The following DOCK7 variants were observed in gnomAD, a reference collection of about 807,000 sequenced individuals.
The protein encoded by DOCK7 is dedicator of cytokinesis protein 7.
A neutral mutation model predicts 271.0 loss-of-function variants in DOCK7; 138 were observed. That is an observed-to-expected ratio of 0.51 (90% CI 0.44 to 0.59). The LOEUF is 0.59. Ranked by LOEUF, DOCK7 falls within the 20% of genes least tolerant of loss-of-function variation. DOCK7 has a pLI of 0.00. For missense variants in DOCK7, 2,066 were observed against 2,592.4 expected, an observed-to-expected ratio of 0.80 and a Z score of 4.41; for synonymous variants, 823 against 876.1, an observed-to-expected ratio of 0.94 and a Z score of 1.07.
At position 62,475,772 on chromosome 1, in the gene DOCK7, T is replaced by C; in HGVS notation, c.5896A>G (p.Ile1966Val). The C allele has an allele frequency of 1.9e-6, 3 of 1,614,076 alleles. No individual in the cohort carries two copies. The highest frequency in any genetic ancestry group is 2.5e-6 in the Non-Finnish European group (3 of 1,179,930). The change falls in exon 46 of 50, where the codon ATT becomes GTT. Residue 1966 changes from isoleucine to valine, a missense_variant. Ile to Val is a conservative substitution (Grantham distance 29). Around this residue, in one of 2 missense-constraint regions of DOCK7, gnomAD observed 652 missense variants for 922.1 expected, o/e 0.71. Transcript: ENST00000635253. ...ELHEQFKRKTILTTSHAFPYI... is the reference protein window; with the variant it reads ...ELHEQFKRKTVLTTSHAFPYI... ...GGAAAGGCATGAGACGTAGTCAGAATGGTCTTCCTTTTGAATTGTTCATGA... is the reference window on the plus strand; with the variant it reads ...GGAAAGGCATGAGACGTAGTCAGAACGGTCTTCCTTTTGAATTGTTCATGA...
chr1:62,517,494 T>C (rs980764853), intron 31 of DOCK7, among the ~76,000 whole-genome samples: 7 of 151,522 alleles, frequency 4.6e-5, no homozygotes, highest in African/African-American at 7.3e-5. Flanking sequence ...ACTCAGGAGG[T>C]TGAGGCAGGA....
At chr1:62,494,568 T>C in intron 39 of DOCK7, 101 bp from the exon 40 acceptor site, 1 of 1,041,778 alleles carries the variant, frequency 9.6e-7, no homozygotes, top group Non-Finnish European at 1.4e-6. Flanking sequence ...TTTTTGATAC[T>C]GTGCACAACC....
At chr1:62,556,707 T>A (rs1318823972) in intron 20 of DOCK7, among the ~76,000 whole-genome samples, 2 of 152,146 alleles carry the variant, frequency 1.3e-5, no homozygotes, top group Non-Finnish European at 1.5e-5. Flanking sequence ...CTTTGAGCAA[T>A]AGGATCTTAG....
intron 31 of DOCK7, among the ~76,000 whole-genome samples, chr1:62,518,855 A>G (rs1479595879): frequency 2.0e-5 from 3 of 152,290 alleles, no homozygotes; most frequent in African/African-American, 7.2e-5. Flanking sequence ...AATTAAACTA[A>G]ATGTAAATGG....
chr1:62,630,072 G>C (rs1654430777), intron 11 of DOCK7, among the ~76,000 whole-genome samples: 1 of 152,184 alleles, frequency 6.6e-6, no homozygotes, highest in African/African-American at 2.4e-5. Context: ...CCCTGAGAAT[G>C]ACCCTATGGT....
chr1:62,582,377 C>T (rs891061934), intron 16 of DOCK7, among the ~76,000 whole-genome samples: 1 of 149,896 alleles, frequency 6.7e-6, no homozygotes, highest in Non-Finnish European at 1.5e-5. Context: ...GGTGAAAACC[C>T]GTCTCTACTA....
chr1:62,500,580 C>G (rs1646753039), intron 37 of DOCK7, among the ~76,000 whole-genome samples: 1 of 151,824 alleles, frequency 6.6e-6, no homozygotes, highest in South Asian at 2.1e-4. Context: ...ACAAATCAGT[C>G]AATACTAAGA....
intron 22 of DOCK7, among the ~76,000 whole-genome samples, chr1:62,551,572 G>A (rs1645906286): frequency 6.6e-6 from 1 of 151,992 alleles, no homozygotes; most frequent in Admixed American, 6.6e-5. Flanking sequence ...AAGAAAAAAT[G>A]AAGGGTAGCT....
At position 62,488,996 on chromosome 1, in the gene DOCK7, C is replaced by T; in HGVS notation, c.5431G>A (p.Ala1811Thr). The T allele has an allele frequency of 6.2e-7, 1 of 1,613,308 alleles. No individual in the cohort carries two copies. Among genetic ancestry groups the T allele is most frequent in the Non-Finnish European group, 8.5e-7 (1 of 1,179,568 alleles). ...CCATGAATTGTGGATAGTTTCTTTGCATCCCGATTAGCTTCATGAATAGGA... is the reference window on the plus strand; with the variant it reads ...CCATGAATTGTGGATAGTTTCTTTGTATCCCGATTAGCTTCATGAATAGGA... ...LIPIHEANRDAKKLSTIHGKL... is the reference protein window; with the variant it reads ...LIPIHEANRDTKKLSTIHGKL... The change falls in exon 42 of 50, where the codon GCA becomes ACA. Residue 1811 changes from alanine to threonine, a missense_variant. Around this residue, in one of 2 missense-constraint regions of DOCK7, gnomAD observed 652 missense variants for 922.1 expected, o/e 0.71. Coordinates refer to ENST00000635253, the MANE Select transcript of DOCK7 (RefSeq NM_001367561.1).
chr1:62,479,665 TTTTG>T (rs1329240901), intron 43 of DOCK7: 2 of 320,726 alleles, frequency 6.2e-6, no homozygotes, highest in Non-Finnish European at 1.3e-5. Flanking sequence ...CATTCCTACT[TTTTG>T]TTTTTTATTT....
rs756833670 is a variant in DOCK7 at position 62,542,596 on chromosome 1, G to C, written c.3045+12C>G. Reference sequence around the variant, plus strand: ...GAAAAAATATTAAAGAACATGCTCAGTTTTTGCTCACCATTAATTCAAAAA... The same window carrying C: ...GAAAAAATATTAAAGAACATGCTCACTTTTTGCTCACCATTAATTCAAAAA... On this transcript the variant is annotated intron_variant, in intron 25 of 49. Coordinates refer to ENST00000635253, the MANE Select transcript of DOCK7 (RefSeq NM_001367561.1). 1.4e-5 allele frequency: 23 copies of C among 1,604,452 alleles called. No homozygotes were observed. The Admixed American group carries it at 3.2e-4, about 23-fold the overall frequency.
At chr1:62,604,600 G>A (rs1333734558) in intron 14 of DOCK7, 9 of 1,596,022 alleles carry the variant, frequency 5.6e-6, no homozygotes, top group Non-Finnish European at 7.7e-6. Flanking sequence ...ATACGAGTCT[G>A]TACCCATTAA....
chr1:62,615,893 A>T (rs1171701437), intron 14 of DOCK7, among the ~76,000 whole-genome samples: 1 of 151,776 alleles, frequency 6.6e-6, no homozygotes, highest in African/African-American at 2.4e-5. Flanking sequence ...ATTCATTTTT[A>T]TACTTGAAAA....
chr1:62,527,424 T>C (rs999091763), intron 31 of DOCK7, among the ~76,000 whole-genome samples: 2 of 152,118 alleles, frequency 1.3e-5, no homozygotes, highest in Admixed American at 6.5e-5. Context: ...CGTATGTTTA[T>C]TGTGGCACTA....
At chr1:62,681,636 T>C (rs369653741) in intron 1 of DOCK7, among the ~76,000 whole-genome samples, 3 of 151,942 alleles carry the variant, frequency 2.0e-5, no homozygotes, top group Non-Finnish European at 2.9e-5. Flanking sequence ...CTCATGCATA[T>C]GTATACCTGA....
At chr1:62,511,138 A>G (rs1025937449) in intron 33 of DOCK7, 1 of 153,266 alleles carries the variant, frequency 6.5e-6, no homozygotes, top group Non-Finnish European at 1.5e-5. Flanking sequence ...TCGCCTCCTT[A>G]GAAAGGCCTC....
intron 36 of DOCK7, 51 bp downstream of exon 36, chr1:62,505,631 G>GT: frequency 6.4e-7 from 1 of 1,558,900 alleles, no homozygotes; most frequent in Non-Finnish European, 8.7e-7. Context: ...CTTAGACAAT[G>GT]TTAATAAAAA....
At chr1:62,467,404 C>T (rs961167125) in intron 48 of DOCK7, among the ~76,000 whole-genome samples, 2 of 152,182 alleles carry the variant, frequency 1.3e-5, no homozygotes, top group Middle Eastern at 3.2e-3. Flanking sequence ...TTCTGAACCA[C>T]TGCCAGAAAA....
intron 12 of DOCK7, among the ~76,000 whole-genome samples, chr1:62,624,444 G>A (rs539943611): frequency 6.6e-6 from 1 of 152,256 alleles, no homozygotes; most frequent in African/African-American, 2.4e-5. Context: ...TTTGCAAAGA[G>A]TAAAATATCT....
Sources: allele counts gnomAD v4.1 joint callset (sites outside exome capture counted in the v4.1 genomes callset), GRCh38; gene constraint gnomAD v4.1.1; regional missense constraint gnomAD v4.1.1; transcripts MANE v1.5; gene names NCBI Gene and HGNC (gene_info 2026-07-23, HGNC 2026-07-21).